CC2D2B: variants seen among roughly 807,000 people sequenced by gnomAD.
CC2D2B encodes the protein protein CC2D2B.
In CC2D2B, 128 loss-of-function variants were observed where a neutral mutation model predicts 161.2. The ratio of observed to expected loss-of-function variants is 0.79; its 90% CI spans 0.69 to 0.92. CC2D2B has a LOEUF of 0.92. CC2D2B is among the 40% of genes least tolerant of loss of function. CC2D2B has a pLI of 0.00. For missense variants in CC2D2B, 1,173 were observed against 1,375.1 expected, an observed-to-expected ratio of 0.85 and a Z score of 2.32; for synonymous variants, 391 against 449.8, an observed-to-expected ratio of 0.87 and a Z score of 1.65.
In CC2D2B at chr10:96,027,315, C is replaced by A; in HGVS notation, c.4051C>A (p.Leu1351Met). The part of the protein sequence containing the change: ...TFILRQILPK[L>M]EFGIGSFVSS... ...TATTTTGCGACAAATCCTTCCTAAG[C>A]TGGAATTTGGCATAGGAAGCTTTGT... The change falls in exon 34 of 35, where the codon CTG (leucine) becomes ATG (methionine). Residue 1351 changes from leucine (L) to methionine (M), a missense_variant. Leu to Met is a conservative substitution (Grantham distance 15, BLOSUM62 2). Coordinates refer to ENST00000646931, the MANE Select transcript of CC2D2B (RefSeq NM_001349008.3). 1 of 1,551,124 alleles carries A rather than the reference C, an allele frequency of 6.4e-7. No individual in the cohort carries two copies. Among genetic ancestry groups the A allele is most frequent in the Non-Finnish European group, 8.7e-7 (1 of 1,146,684 alleles).
chr10:95,938,249 G>C, intron 7 of CC2D2B, 60 bp downstream of exon 7: 4 of 1,081,146 alleles, frequency 3.7e-6, no homozygotes, highest in Non-Finnish European at 4.1e-6. Flanking sequence ...TGGGATAATA[G>C]CTTTATTGTA....
chr10:95,924,592 A>C (rs1590360544), intron 4 of CC2D2B, among the ~76,000 whole-genome samples, 187 bp from the exon 5 acceptor site: 1 of 152,242 alleles, frequency 6.6e-6, no homozygotes, highest in Admixed American at 6.5e-5. Context: ...AGCCAAGAAG[A>C]GCTAGGTGAT....
At chr10:95,921,992 T>C in intron 2 of CC2D2B, 24 bp from the exon 3 acceptor site, 1 of 1,439,604 alleles carries the variant, frequency 6.9e-7, no homozygotes, top group Non-Finnish European at 9.4e-7. Context: ...GATGCAAGTT[T>C]AACCCTCCCT....
At chr10:95,958,265 G>A (rs879844030) in intron 11 of CC2D2B, among the ~76,000 whole-genome samples, 1 of 152,206 alleles carries the variant, frequency 6.6e-6, no homozygotes, top group Non-Finnish European at 1.5e-5. Context: ...GCTGAGGTGA[G>A]CAGATTTCTT....
chr10:95,944,295 C>T (rs1465849874), intron 9 of CC2D2B, among the ~76,000 whole-genome samples: 1 of 152,150 alleles, frequency 6.6e-6, no homozygotes, highest in Non-Finnish European at 1.5e-5. Context: ...CATAGTGGAA[C>T]ACAGTTGTCA....
intron 6 of CC2D2B, among the ~76,000 whole-genome samples, chr10:95,932,713 T>G (rs979879528): frequency 2.0e-5 from 3 of 152,198 alleles, no homozygotes; most frequent in African/African-American, 7.2e-5. Flanking sequence ...TGGCCCCCAC[T>G]CTTTTCTGGC....
Position 95,974,165 on chromosome 10 carries a change from CT to C in CC2D2B, c.1943+13del. 8.2e-7 allele frequency: 1 copy of C among 1,224,308 alleles called. No homozygotes were observed. Among genetic ancestry groups the C allele is most frequent in the Non-Finnish European group, 1.0e-6 (1 of 980,906 alleles). The allele number at this position is 1,224,308 out of a possible 1,614,324, so 75.8% of individuals were successfully genotyped here. ...AGATCTTCTTACTGCAGGTAATAAA[CT>C]TTTATCTTTGAAAAATAATGCCAGG... On this transcript the variant is annotated intron_variant, in intron 17 of 34. Coordinates refer to ENST00000646931, the MANE Select transcript of CC2D2B (RefSeq NM_001349008.3).
At chr10:95,916,808 C>T (rs770842473) in intron 2 of CC2D2B, among the ~76,000 whole-genome samples, 3 of 152,178 alleles carry the variant, frequency 2.0e-5, no homozygotes, top group African/African-American at 7.2e-5. Context: ...TGTGGCCTAA[C>T]ATATGGTCTA....
Position 95,988,344 on chromosome 10 carries a change from TAACA to T in CC2D2B, c.2379+4_2379+7del, listed in dbSNP as rs2077811060. The T allele has an allele frequency of 1.7e-6, 2 of 1,194,760 alleles. No individual in the cohort carries two copies. The highest frequency in any genetic ancestry group is 3.2e-5 in the African/African-American group (2 of 63,358). 74.0% of individuals were successfully genotyped at this position (1,194,760 alleles called of 1,614,324 possible). On this transcript the variant is annotated splice_donor_5th_base_variant and intron_variant, in intron 20 of 34. Coordinates refer to ENST00000646931, the MANE Select transcript of CC2D2B (RefSeq NM_001349008.3). Reference sequence around the variant, plus strand: ...AATTCTGCCAATTTTCTGAAAAAGGTAACAACACAGTATTATCAATATATTTGCA... The same window carrying T: ...AATTCTGCCAATTTTCTGAAAAAGGTACACAGTATTATCAATATATTTGCA...
chr10:95,976,555 T>C (rs2077320380), intron 17 of CC2D2B, among the ~76,000 whole-genome samples: 1 of 152,214 alleles, frequency 6.6e-6, no homozygotes, highest in Non-Finnish European at 1.5e-5. Flanking sequence ...GCTCAAGGAC[T>C]GGCTCTGAGC....
intron 14 of CC2D2B, among the ~76,000 whole-genome samples, chr10:95,966,926 A>G (rs1443293368): frequency 6.6e-6 from 1 of 152,040 alleles, no homozygotes; most frequent in Admixed American, 6.6e-5. Flanking sequence ...TACTAGGCCT[A>G]TGGATCCCAT....
In CC2D2B at chr10:95,969,939, A is replaced by C. The variant is rs2077065509; in HGVS notation, c.1644+1038A>C. 2.0e-5 allele frequency among the ~76,000 whole-genome samples: 3 copies of C among 152,210 alleles called. No homozygotes were observed. The South Asian group carries it at 6.2e-4, about 32-fold the overall frequency. ...AACTAAGAGGCAGGGAGGGAGAGGA[A>C]TCTAGTTAAGAGATAAATTCACCAT... On this transcript the variant is annotated intron_variant, in intron 15 of 34. Coordinates refer to ENST00000646931, the MANE Select transcript of CC2D2B (RefSeq NM_001349008.3).
chr10:95,933,889 C>G (rs1343989591), intron 6 of CC2D2B, among the ~76,000 whole-genome samples: 3 of 152,218 alleles, frequency 2.0e-5, no homozygotes, highest in African/African-American at 7.2e-5. Flanking sequence ...GAGTCTGTCC[C>G]TTAGCAGAGC....
At position 95,985,150 on chromosome 10, in the gene CC2D2B, A is replaced by T. The variant is rs185455144; in HGVS notation, c.2286+1341A>T. Among the ~76,000 whole-genome samples, 182 of 152,340 alleles carry T rather than the reference A, an allele frequency of 1.2e-3. 1 individual carries two copies. The highest frequency in any genetic ancestry group is 6.8e-3 in the Middle Eastern group (2 of 294). On this transcript the variant is annotated intron_variant, in intron 19 of 34. Coordinates refer to ENST00000646931, the MANE Select transcript of CC2D2B (RefSeq NM_001349008.3). ...ATGATATACAAAAGAATCTGAGTAAATGTTCATTGATAGGAAGAGTCAACA... is the reference window on the plus strand; with the variant it reads ...ATGATATACAAAAGAATCTGAGTAATTGTTCATTGATAGGAAGAGTCAACA...
rs536726433 is a variant in CC2D2B at position 95,967,988 on chromosome 10, T to A, written c.1467-736T>A. 2.0e-5 allele frequency among the ~76,000 whole-genome samples: 3 copies of A among 152,304 alleles called. No individual in the cohort carries two copies. The East Asian group carries it at 5.8e-4, about 29-fold the overall frequency. On this transcript the variant is annotated intron_variant, in intron 14 of 34. Transcript: ENST00000646931. ...CTTAAACATCATTAGATCAGTTCTCTTGCCACTAGGAAAATATTCAATAAA... is the reference window on the plus strand; with the variant it reads ...CTTAAACATCATTAGATCAGTTCTCATGCCACTAGGAAAATATTCAATAAA...
At chr10:96,004,504 T>C (rs942916838) in intron 25 of CC2D2B, among the ~76,000 whole-genome samples, 3 of 152,178 alleles carry the variant, frequency 2.0e-5, no homozygotes, top group Admixed American at 6.5e-5. Context: ...GTTTCTGCAA[T>C]TGAACATTAC....
chr10:95,980,218 G>T (rs1167705661), intron 17 of CC2D2B, among the ~76,000 whole-genome samples: 1 of 150,470 alleles, frequency 6.6e-6, no homozygotes, highest in African/African-American at 2.5e-5. Context: ...AGGGAGGGAA[G>T]GAGGGAGGGA....
intron 33 of CC2D2B, 75 bp from the exon 34 acceptor site, chr10:96,027,137 A>G (rs1199740040): frequency 8.9e-7 from 1 of 1,125,444 alleles, no homozygotes; most frequent in Non-Finnish European, 1.2e-6. Flanking sequence ...AAAAAAAAAA[A>G]GTCACAAAAC....
intron 17 of CC2D2B, among the ~76,000 whole-genome samples, chr10:95,977,975 A>G (rs1404965777): frequency 6.6e-6 from 1 of 152,182 alleles, no homozygotes; most frequent in Non-Finnish European, 1.5e-5. Context: ...TGGGATGAAG[A>G]AAAAAATTCT....
Sources: allele counts gnomAD v4.1 joint callset (sites outside exome capture counted in the v4.1 genomes callset), GRCh38; gene constraint gnomAD v4.1.1; transcripts MANE v1.5; gene names NCBI Gene and HGNC (gene_info 2026-07-23, HGNC 2026-07-21).